FSTL5: variants seen among roughly 807,000 people sequenced by gnomAD.
The protein encoded by FSTL5 is follistatin like 5.
Under a neutral mutation model 89.1 loss-of-function variants are expected in FSTL5, and 62 were observed. The ratio of observed to expected loss-of-function variants is 0.70; its 90% CI spans 0.57 to 0.86. FSTL5 has a LOEUF of 0.86. Ranked by LOEUF, FSTL5 falls within the 40% of genes least tolerant of loss-of-function variation. The pLI is 0.00. For synonymous variants in FSTL5, 383 were observed against 346.2 expected, an observed-to-expected ratio of 1.11 and a Z score of -1.18; for missense variants, 1,057 against 1,001.6, an observed-to-expected ratio of 1.06 and a Z score of -0.75.
At chr4:161,928,056 T>C (rs1339485501) in intron 3 of FSTL5, among the ~76,000 whole-genome samples, 1 of 151,738 alleles carries the variant, frequency 6.6e-6, no homozygotes, top group Non-Finnish European at 1.5e-5. Flanking sequence ...CTCAAGTCAA[T>C]CCCTCCAAGT....
Position 162,115,504 on chromosome 4 carries a change from T to C in FSTL5, c.-16-4092A>G, listed in dbSNP as rs1039977465. Among the ~76,000 whole-genome samples the C allele has an allele frequency of 2.0e-5, 3 of 152,322 alleles. No homozygotes were observed. In the South Asian group the frequency reaches 6.2e-4, roughly 32 times the overall value. On this transcript the variant is annotated intron_variant, in intron 1 of 15. Transcript: ENST00000306100. ...AGGTTTTCAGAATTAATTGGCAGTT[T>C]GTTGACAGCTCACTGACAACACTGA... is the stretch of plus-strand genomic sequence containing the variant.
At chr4:161,783,517 A>ATGTC (rs1048553463) in intron 4 of FSTL5, among the ~76,000 whole-genome samples, 3 of 148,860 alleles carry the variant, frequency 2.0e-5, no homozygotes, top group Non-Finnish European at 3.0e-5. Context: ...TCAGTGCATT[A>ATGTC]TGTCTTCTTT....
intron 3 of FSTL5, among the ~76,000 whole-genome samples, chr4:162,019,760 C>A (rs1328804426): frequency 7.3e-6 from 1 of 136,544 alleles, no homozygotes; most frequent in East Asian, 2.0e-4. Context: ...CTCTTTCTCT[C>A]TCTCTTTCTC....
intron 12 of FSTL5, among the ~76,000 whole-genome samples, chr4:161,482,319 A>G (rs575739505): frequency 1.3e-5 from 2 of 152,276 alleles, no homozygotes; most frequent in Admixed American, 6.5e-5. Flanking sequence ...CCGTCTCAAA[A>G]AAAAAAATTA....
intron 2 of FSTL5, among the ~76,000 whole-genome samples, chr4:162,096,244 G>A (rs1730748909): frequency 6.6e-6 from 1 of 151,754 alleles, no homozygotes; most frequent in Admixed American, 6.6e-5. Context: ...CTTGATTCAT[G>A]GAACTAGCTA....
intron 10 of FSTL5, among the ~76,000 whole-genome samples, chr4:161,534,977 C>T (rs1406130864): frequency 5.3e-5 from 8 of 152,000 alleles, no homozygotes; most frequent in Admixed American, 5.2e-4. Flanking sequence ...AGGGAAAGGA[C>T]TATCTATTCA....
chr4:161,860,159 G>A (rs965196843), intron 4 of FSTL5, among the ~76,000 whole-genome samples: 10 of 152,144 alleles, frequency 6.6e-5, no homozygotes, highest in East Asian at 1.9e-4. Context: ...GTGGTGGCGG[G>A]CGCCTGTAGT....
intron 7 of FSTL5, among the ~76,000 whole-genome samples, chr4:161,616,309 T>C (rs1261163996): frequency 6.6e-6 from 1 of 152,120 alleles, no homozygotes; most frequent in Non-Finnish European, 1.5e-5. Flanking sequence ...GGTCTCAAAC[T>C]CCTCACCTCA....
chr4:161,390,522 A>G (rs1031793165), intron 15 of FSTL5, among the ~76,000 whole-genome samples: 3 of 152,120 alleles, frequency 2.0e-5, no homozygotes, highest in African/African-American at 4.8e-5. Flanking sequence ...ATGGTTTCCC[A>G]AGTCCTTTAC....
At chr4:161,573,538 C>T (rs575356769) in intron 8 of FSTL5, among the ~76,000 whole-genome samples, 4 of 71,466 alleles carry the variant, frequency 5.6e-5, no homozygotes, top group Non-Finnish European at 1.2e-4. Context: ...GAGTTCGCTA[C>T]CAGCCTGACC....
chr4:162,075,134 C>T (rs369467117), intron 2 of FSTL5, among the ~76,000 whole-genome samples: 1 of 151,658 alleles, frequency 6.6e-6, no homozygotes, highest in African/African-American at 2.4e-5. Context: ...CTGCTGAAGC[C>T]CCATGAAGAC....
At chr4:161,693,854 G>T (rs1333696648) in intron 6 of FSTL5, among the ~76,000 whole-genome samples, 1 of 151,724 alleles carries the variant, frequency 6.6e-6, no homozygotes, top group Non-Finnish European at 1.5e-5. Context: ...TAGCCAGGAT[G>T]GTCTCGATCT....
At chr4:161,477,789 G>A (rs1435430441) in intron 13 of FSTL5, among the ~76,000 whole-genome samples, 2 of 151,700 alleles carry the variant, frequency 1.3e-5, no homozygotes, top group Non-Finnish European at 2.9e-5. Context: ...GAAATACAGG[G>A]TTAGTATAAA....
chr4:161,577,318 G>T (rs1409853663), intron 8 of FSTL5, among the ~76,000 whole-genome samples: 2 of 151,896 alleles, frequency 1.3e-5, no homozygotes, highest in Non-Finnish European at 2.9e-5. Flanking sequence ...TAAGAAAATT[G>T]ACATGATAGA....
At chr4:161,975,301 C>T (rs1321121420) in intron 3 of FSTL5, among the ~76,000 whole-genome samples, 3 of 151,622 alleles carry the variant, frequency 2.0e-5, no homozygotes, top group South Asian at 2.1e-4. Context: ...GACACATGCA[C>T]ACATATGTTT....
intron 3 of FSTL5, among the ~76,000 whole-genome samples, chr4:161,927,882 A>AGCCAAACT (rs1035253513): frequency 1.3e-5 from 2 of 151,724 alleles, no homozygotes; most frequent in African/African-American, 4.8e-5. Context: ...TAATGTTCAC[A>AGCCAAACT]GCCAAACTGA....
At chr4:162,140,692 T>C (rs10031537) in intron 1 of FSTL5, among the ~76,000 whole-genome samples, 80,031 of 151,894 alleles carry the variant, frequency 0.53, 21,277 homozygotes, top group Admixed American at 0.59. Flanking sequence ...AGCAAGGAGA[T>C]CAGTCTTAAG....
intron 15 of FSTL5, among the ~76,000 whole-genome samples, chr4:161,411,027 A>G (rs1167984995): frequency 7.9e-6 from 1 of 126,224 alleles, no homozygotes; most frequent in East Asian, 2.8e-4. Context: ...AACTGATCCT[A>G]TAGAAATACA....
chr4:161,994,130 A>C (rs1736220234), intron 3 of FSTL5, among the ~76,000 whole-genome samples: 1 of 152,098 alleles, frequency 6.6e-6, no homozygotes, highest in Non-Finnish European at 1.5e-5. Context: ...ACCACTTATA[A>C]GTGAGAACAT....
Sources: allele counts gnomAD v4.1 joint callset (sites outside exome capture counted in the v4.1 genomes callset), GRCh38; gene constraint gnomAD v4.1.1; transcripts MANE v1.5; gene names NCBI Gene and HGNC (gene_info 2026-07-23, HGNC 2026-07-21).